Variants in EXT2 observed in about 807,000 individuals in gnomAD.
EXT2 encodes the protein exostosin glycosyltransferase 2.
In EXT2, 53 loss-of-function variants were observed where a neutral mutation model predicts 81.6. The ratio of observed to expected loss-of-function variants is 0.65; its 90% CI spans 0.52 to 0.82. EXT2 has a LOEUF of 0.82. EXT2 is among the 40% of genes least tolerant of loss of function. The probability of loss-of-function intolerance (pLI) is 0.00; values close to 1 mark genes in which losing one functional copy is unlikely to be tolerated. For missense variants in EXT2, 774 were observed against 910.2 expected (o/e 0.85, Z 1.93); for synonymous variants, 320 against 340.0 (o/e 0.94, Z 0.65).
chr11:44,243,880 C>G (rs1384559862), intron 13 of EXT2, among the ~76,000 whole-genome samples: 2 of 151,958 alleles, frequency 1.3e-5, no homozygotes, highest in African/African-American at 2.4e-5. Context: ...TTTGCAGGCC[C>G]GTGGCCTCCA....
chr11:44,138,467 G>T (rs1384107636), intron 7 of EXT2, among the ~76,000 whole-genome samples: 2 of 151,678 alleles, frequency 1.3e-5, no homozygotes, highest in Admixed American at 6.6e-5. Flanking sequence ...TTTTTTTCAT[G>T]GTGTACTGCA....
chr11:44,181,351 G>A (rs1324314111), intron 8 of EXT2, among the ~76,000 whole-genome samples: 1 of 152,044 alleles, frequency 6.6e-6, no homozygotes, highest in Non-Finnish European at 1.5e-5. Context: ...CCCTGACGTG[G>A]GTGTTTTCTG....
At chr11:44,202,427 G>A (rs1955532769) in intron 9 of EXT2, among the ~76,000 whole-genome samples, 1 of 152,198 alleles carries the variant, frequency 6.6e-6, no homozygotes, top group Admixed American at 6.5e-5. Flanking sequence ...GGAGCTGCTT[G>A]TTGCCTTGTG....
At chr11:44,153,976 GT>G (rs1163757634) in intron 7 of EXT2, among the ~76,000 whole-genome samples, 1 of 150,054 alleles carries the variant, frequency 6.7e-6, no homozygotes, top group Non-Finnish European at 1.5e-5. Flanking sequence ...TTGGTCTGTA[GT>G]TTTCTGTTTT....
rs1232254546 is a variant in EXT2 at position 44,126,906 on chromosome 11, A to G, written c.1030A>G (p.Ile344Val). ...VLQAGCVPVVIADSYILPFSE... is the reference protein window; with the variant it reads ...VLQAGCVPVVVADSYILPFSE... ...ACAAGCTGGCTGTGTCCCGGTTGTC[A>G]TTGCAGACTCCTATATTTTGCCTTT... The change falls in exon 6 of 14, where the codon ATT becomes GTT. Residue 344 changes from isoleucine to valine, a missense_variant. Physicochemically the swap from Ile to Val is conservative, Grantham distance 29. Around this residue, in one of 2 missense-constraint regions of EXT2, gnomAD observed 626 missense variants for 670.5 expected, o/e 0.93. Coordinates refer to ENST00000533608, the MANE Select transcript of EXT2 (RefSeq NM_207122.2). 2 of 1,614,080 alleles carry G rather than the reference A, an allele frequency of 1.2e-6. No homozygotes were observed. Among genetic ancestry groups the G allele is most frequent in the African/African-American group, 2.7e-5 (2 of 74,918 alleles).
intron 7 of EXT2, among the ~76,000 whole-genome samples, chr11:44,151,979 A>G (rs756883970): frequency 6.6e-5 from 10 of 152,224 alleles, no homozygotes; most frequent in Non-Finnish European, 1.3e-4. Flanking sequence ...GATATTGAAC[A>G]TCTTTTCATA....
intron 7 of EXT2, among the ~76,000 whole-genome samples, chr11:44,152,449 C>T (rs1036082626): frequency 6.6e-6 from 1 of 152,124 alleles, no homozygotes; most frequent in African/African-American, 2.4e-5. Flanking sequence ...CTTCTGGGTT[C>T]AAGCAGTTCT....
intron 3 of EXT2, among the ~76,000 whole-genome samples, chr11:44,113,103 C>T (rs1386045390): frequency 2.0e-5 from 3 of 152,114 alleles, no homozygotes; most frequent in Non-Finnish European, 4.4e-5. Context: ...CAGAGTAGAC[C>T]GGCAGCTGGA....
intron 1 of EXT2, among the ~76,000 whole-genome samples, chr11:44,105,119 T>A (rs1954036675): frequency 6.6e-6 from 1 of 152,154 alleles, no homozygotes; most frequent in African/African-American, 2.4e-5. Flanking sequence ...CTCAGCTCGC[T>A]AGGCAGGAAG....
chr11:44,155,918 G>C (rs1954850079), intron 7 of EXT2, among the ~76,000 whole-genome samples: 1 of 152,106 alleles, frequency 6.6e-6, no homozygotes, highest in Non-Finnish European at 1.5e-5. Context: ...TTATAAGACA[G>C]GTCTAGTGTT....
rs1956108667 is a variant in EXT2, at chr11:44,247,834, C to T, written c.*3547C>T. Among the ~76,000 whole-genome samples, 1 of 152,214 alleles carries T rather than the reference C, an allele frequency of 6.6e-6. No individual in the cohort carries two copies. The highest frequency in any genetic ancestry group is 2.4e-5 in the African/African-American group (1 of 41,456). ...TGATAGCCTCTGACAGGCACCATGC[C>T]AGGAGGAAACTAGAGCGTCTTTATC... On this transcript the variant is annotated 3_prime_UTR_variant, in exon 14 of 14. Coordinates refer to ENST00000533608, the MANE Select transcript of EXT2 (RefSeq NM_207122.2).
intron 8 of EXT2, among the ~76,000 whole-genome samples, chr11:44,177,036 G>A (rs556016655): frequency 5.9e-5 from 9 of 152,088 alleles, no homozygotes; most frequent in Admixed American, 5.9e-4. Context: ...AAACTAGGGT[G>A]ATGACATTAT....
chr11:44,141,178 A>G (rs1376240680), intron 7 of EXT2, among the ~76,000 whole-genome samples: 3 of 152,134 alleles, frequency 2.0e-5, no homozygotes, highest in African/African-American at 7.2e-5. Context: ...CCTCCCTTAT[A>G]CTTTAAATTA....
At chr11:44,176,221 C>A (rs1955156132) in intron 8 of EXT2, among the ~76,000 whole-genome samples, 1 of 152,066 alleles carries the variant, frequency 6.6e-6, no homozygotes, top group Non-Finnish European at 1.5e-5. Flanking sequence ...AATAGTGGGA[C>A]TTTATCCTAT....
rs1236636265 is a variant in EXT2 at position 44,249,734 on chromosome 11, T to C, written c.*5447T>C. Among the ~76,000 whole-genome samples, 1 of 152,220 alleles carries C rather than the reference T, an allele frequency of 6.6e-6. No homozygotes were observed. Among genetic ancestry groups the C allele is most frequent in the Non-Finnish European group, 1.5e-5 (1 of 68,040 alleles). On this transcript the variant is annotated 3_prime_UTR_variant, in exon 14 of 14. Coordinates refer to ENST00000533608, the MANE Select transcript of EXT2 (RefSeq NM_207122.2). Reference sequence around the variant, plus strand: ...GATCCAGATGAGGGAAGAGAACATTTATTCAGTCATTCTGTTATGCTAACT... The same window carrying C: ...GATCCAGATGAGGGAAGAGAACATTCATTCAGTCATTCTGTTATGCTAACT...
At chr11:44,098,753 G>C (rs1953939783) in intron 1 of EXT2, among the ~76,000 whole-genome samples, 2 of 150,842 alleles carry the variant, frequency 1.3e-5, no homozygotes, top group South Asian at 4.2e-4. Context: ...GGATGTGTTT[G>C]CATATGGTGG....
Position 44,112,706 on chromosome 11 carries a change from T to C in EXT2, c.627-1479T>C, listed in dbSNP as rs1333521768. 3.3e-5 allele frequency among the ~76,000 whole-genome samples: 5 copies of C among 152,180 alleles called. No homozygotes were observed. The East Asian group carries it at 9.6e-4, about 29-fold the overall frequency. ...TCTTCAGCGTAAGGCATGCTTCTGATTGCTGCTTTCCTACTGCCAGTGCTG... is the reference window on the plus strand; with the variant it reads ...TCTTCAGCGTAAGGCATGCTTCTGACTGCTGCTTTCCTACTGCCAGTGCTG... On this transcript the variant is annotated intron_variant, in intron 3 of 13. Coordinates refer to ENST00000533608, the MANE Select transcript of EXT2 (RefSeq NM_207122.2).
intron 13 of EXT2, 38 bp from the exon 14 acceptor site, chr11:44,244,111 C>CA: frequency 6.2e-7 from 1 of 1,609,564 alleles, no homozygotes; most frequent in Admixed American, 1.7e-5. Context: ...TCATTCTGCT[C>CA]AAACCCCTCC....
intron 10 of EXT2, among the ~76,000 whole-genome samples, chr11:44,212,301 AAATAAATAAATAAATAAAT>A (rs1564978620): frequency 0.047 from 5,851 of 124,034 alleles, 183 homozygotes; most frequent in Non-Finnish European, 0.069. Flanking sequence ...ATAAAAATAT[AAATAAATAAATAAATAAAT>A]AAATAAATAA....
Sources: allele counts gnomAD v4.1 joint callset (sites outside exome capture counted in the v4.1 genomes callset), GRCh38; gene constraint gnomAD v4.1.1; regional missense constraint gnomAD v4.1.1; transcripts MANE v1.5; gene names NCBI Gene and HGNC (gene_info 2026-07-23, HGNC 2026-07-21).